DIP2C: variants seen among roughly 807,000 people sequenced by gnomAD.
DIP2C encodes the protein disco-interacting protein 2 homolog C.
DIP2C carries 33 observed loss-of-function variants against 192.4 expected under a neutral mutation model. The ratio of observed to expected loss-of-function variants is 0.17; its 90% CI spans 0.13 to 0.23. DIP2C has a LOEUF of 0.23. DIP2C is among the 10% of genes least tolerant of loss of function. The pLI is 1.00. For synonymous variants in DIP2C, 979 were observed against 864.1 expected (o/e 1.13, Z -2.33); for missense variants, 1,537 against 2,110.1 (o/e 0.73, Z 5.32).
chr10:442,271 C>A lies in DIP2C; in HGVS notation c.269-1275G>T, dbSNP rs142465973. 5.8e-3 allele frequency among the ~76,000 whole-genome samples: 888 copies of A among 152,216 alleles called. 6 individuals are homozygous for A. Among genetic ancestry groups the A allele is most frequent in the Non-Finnish European group, 7.4e-3 (503 of 67,994 alleles). ...TTTCCTGCTTAAACCCCGCGAGCTG[C>A]CACCTGAGACAGGACCCAGACCCGC... On this transcript the variant is annotated intron_variant, in intron 3 of 36. Coordinates refer to ENST00000280886, the MANE Select transcript of DIP2C (RefSeq NM_014974.3).
chr10:301,790 C>G (rs1956063515), intron 32 of DIP2C, among the ~76,000 whole-genome samples: 1 of 152,312 alleles, frequency 6.6e-6, no homozygotes, highest in East Asian at 1.9e-4. Flanking sequence ...TCCTTTCACA[C>G]ACACACCTGG....
At position 486,483 on chromosome 10, in the gene DIP2C, C is replaced by G; in HGVS notation, c.133G>C (p.Gly45Arg). 1 of 1,604,010 alleles carries G rather than the reference C, an allele frequency of 6.2e-7. No individual in the cohort carries two copies. Among genetic ancestry groups the G allele is most frequent in the South Asian group, 1.1e-5 (1 of 89,068 alleles). The change falls in exon 2 of 37, where the codon GGA (glycine) becomes CGA (arginine). Residue 45 changes from glycine to arginine, a missense_variant. Physicochemically the swap from Gly to Arg is moderately radical, Grantham distance 125. This residue lies in a region of DIP2C where 473 missense variants were observed against 539.6 expected (regional missense o/e 0.88). Coordinates refer to ENST00000280886, the MANE Select transcript of DIP2C (RefSeq NM_014974.3). The stretch of plus-strand genomic sequence containing the variant: ...CTCGGAGGCTGCGGAAGGTAGGCTC[C>G]AATTAACTTTGACCTCTTCTTTTCA... ...GYEKKRSKLI[G>R]AYLPQPPRVD... is the part of the protein sequence containing the mutation.
At chr10:414,747 ATATATATATAATGTG>A (rs1466569739) in intron 7 of DIP2C, among the ~76,000 whole-genome samples, 8 of 119,958 alleles carry the variant, frequency 6.7e-5, no homozygotes, top group South Asian at 2.6e-4. Flanking sequence ...GTGTACATAT[ATATATATATAATGTG>A]TATATATATA....
Position 301,172 on chromosome 10 carries a change from G to C in DIP2C, c.3986+8859C>G, listed in dbSNP as rs529922370. 4.6e-5 allele frequency among the ~76,000 whole-genome samples: 7 copies of C among 152,290 alleles called. No homozygotes were observed. In the South Asian group the frequency reaches 1.5e-3, roughly 32 times the overall value. On this transcript the variant is annotated intron_variant, in intron 32 of 36. Transcript: ENST00000280886. ...ATGGGGCTTTGTCTCTCATGAGCCA[G>C]CAGGAGATGAACCCAGACCCTCTGA...
intron 18 of DIP2C, 21 bp downstream of exon 18, chr10:369,466 ATCTGTGC>A: frequency 6.7e-7 from 1 of 1,501,710 alleles, no homozygotes; most frequent in Non-Finnish European, 8.9e-7. Flanking sequence ...TAACTGGTTA[ATCTGTGC>A]AGCTCGCGAC....
At position 337,194 on chromosome 10, in the gene DIP2C, G is replaced by A. The variant is rs545733740; in HGVS notation, c.3584+4005C>T. Among the ~76,000 whole-genome samples, 91 of 139,936 alleles carry A rather than the reference G, an allele frequency of 6.5e-4. 2 individuals are homozygous for A. In the South Asian group the frequency reaches 7.0e-3, roughly 11 times the overall value. 91.8% of individuals were successfully genotyped at this position (139,936 alleles called of 152,430 possible). On this transcript the variant is annotated intron_variant, in intron 29 of 36. Transcript: ENST00000280886. ...GTGCATGCGTGTGGTGGAGGCCTAG[G>A]CAGCTGTCTGTGTGTGCAAGTGTGT...
chr10:534,663 T>C (rs919262728), intron 1 of DIP2C, among the ~76,000 whole-genome samples: 2 of 138,612 alleles, frequency 1.4e-5, no homozygotes, highest in Non-Finnish European at 3.1e-5. Context: ...GTCTGCTGGA[T>C]GATTATTATT....
chr10:325,266 A>AAAAC (rs200229242), intron 31 of DIP2C, among the ~76,000 whole-genome samples: 1 of 152,170 alleles, frequency 6.6e-6, no homozygotes, highest in Admixed American at 6.5e-5. Flanking sequence ...CTCCATCTCA[A>AAAAC]AAACAAACAA....
chr10:625,022 T>G (rs1854107723), intron 1 of DIP2C, among the ~76,000 whole-genome samples: 1 of 152,206 alleles, frequency 6.6e-6, no homozygotes, highest in Admixed American at 6.5e-5. Context: ...AGCATGTGTG[T>G]TGGGCAGGAG....
intron 4 of DIP2C, among the ~76,000 whole-genome samples, chr10:425,472 A>T (rs1041238052): frequency 6.6e-6 from 1 of 151,402 alleles, no homozygotes; most frequent in African/African-American, 2.4e-5. Flanking sequence ...AGTGGTGACT[A>T]ATGTGAAATG....
chr10:660,080 G>A (rs1043620922), intron 1 of DIP2C, among the ~76,000 whole-genome samples: 1 of 152,258 alleles, frequency 6.6e-6, no homozygotes, highest in African/African-American at 2.4e-5. Flanking sequence ...AGCAGAGCAG[G>A]TCGCTCAGCC....
chr10:596,928 T>C (rs1362188809), intron 1 of DIP2C, among the ~76,000 whole-genome samples: 1 of 152,222 alleles, frequency 6.6e-6, no homozygotes, highest in Admixed American at 6.5e-5. Context: ...CATGCAGACA[T>C]GAGGGCCACA....
At chr10:423,880 A>G (rs542786548) in intron 4 of DIP2C, among the ~76,000 whole-genome samples, 94 of 152,150 alleles carry the variant, frequency 6.2e-4, no homozygotes, top group Admixed American at 1.7e-3. Flanking sequence ...CACATTTTAC[A>G]CTCAAATCAA....
At chr10:534,316 T>C (rs1847575805) in intron 1 of DIP2C, among the ~76,000 whole-genome samples, 1 of 152,224 alleles carries the variant, frequency 6.6e-6, no homozygotes, top group African/African-American at 2.4e-5. Flanking sequence ...CTCTTCCTGC[T>C]GGTGGGGACA....
At chr10:440,760 C>A in intron 4 of DIP2C, 111 bp downstream of exon 4, 2 of 1,452,494 alleles carry the variant, frequency 1.4e-6, no homozygotes, top group African/African-American at 2.8e-5. Context: ...TTCACAAAAT[C>A]TGCATTACTG....
At position 363,397 on chromosome 10, in the gene DIP2C, C is replaced by A; in HGVS notation, c.2478-86G>T. ...GCCATCAGGGGCTCCATAACCATCA[C>A]TAGTGAGTGACACAGCTCCAACTAC... On this transcript the variant is annotated intron_variant, in intron 20 of 36. Transcript: ENST00000280886. The surrounding 1 kb of genome is among the most constrained non-coding windows in gnomAD (Gnocchi z 5.4). The A allele has an allele frequency of 8.8e-7, 1 of 1,139,322 alleles. No individual in the cohort carries two copies. The highest frequency in any genetic ancestry group is 1.3e-6 in the Non-Finnish European group (1 of 779,040). 70.6% of individuals were successfully genotyped at this position (1,139,322 alleles called of 1,614,324 possible). A position where few individuals can be genotyped will look rare whatever the true frequency, so the allele number is the denominator to read the frequency against.
chr10:533,879 T>C (rs952105705), intron 1 of DIP2C, among the ~76,000 whole-genome samples: 2 of 152,128 alleles, frequency 1.3e-5, no homozygotes, highest in African/African-American at 4.8e-5. Flanking sequence ...GGCTGAGAAC[T>C]GTCTCAGAGA....
rs1250265172 is a variant in DIP2C, at chr10:274,210, A to G, written c.*3115T>C. 6.6e-6 allele frequency: 1 copy of G among 152,184 alleles called. No individual in the cohort carries two copies. The highest frequency in any genetic ancestry group is 1.5e-5 in the Non-Finnish European group (1 of 68,026). The allele number at this position is 152,184 out of a possible 1,614,324, so 9.4% of individuals were successfully genotyped here. ...TACACTTGCAGCAAAATGTGAACAA[A>G]TATATTTAGATATATTTAAAAGAAT... On this transcript the variant is annotated 3_prime_UTR_variant, in exon 37 of 37. Coordinates refer to ENST00000280886, the MANE Select transcript of DIP2C (RefSeq NM_014974.3).
At chr10:408,548 G>A (rs943174393) in intron 9 of DIP2C, among the ~76,000 whole-genome samples, 1 of 152,138 alleles carries the variant, frequency 6.6e-6, no homozygotes, top group African/African-American at 2.4e-5. Flanking sequence ...TTGGTTTATG[G>A]AGCTCTAAAT....
Sources: gnomAD v4.1 joint callset for allele counts (sites outside exome capture counted in the v4.1 genomes callset) on GRCh38, gnomAD v4.1.1 for gene constraint, gnomAD v4.1.1 regional missense constraint, Gnocchi (gnomAD v3.1) non-coding constraint, MANE v1.5 for transcripts, NCBI Gene and HGNC (gene_info 2026-07-23, HGNC 2026-07-21) for gene names.